LRP1B: variants seen among roughly 807,000 people sequenced by gnomAD.
LRP1B encodes the protein low-density lipoprotein receptor-related protein 1B.
LRP1B carries 217 observed loss-of-function variants against 556.6 expected under a neutral mutation model. The observed-to-expected ratio is 0.39, with a 90% CI of 0.35 to 0.44. LRP1B has a LOEUF of 0.44. Among genes scored for constraint, LRP1B ranks in the 20% least tolerant of loss-of-function variants. LRP1B has a pLI of 1.00. For missense variants in LRP1B, 5,053 were observed against 5,620.8 expected (o/e 0.90, Z 3.23); for synonymous variants, 2,047 against 1,865.8 (o/e 1.10, Z -2.50).
chr2:141,109,582 T>G (rs1700696968), intron 7 of LRP1B, among the ~76,000 whole-genome samples: 1 of 149,216 alleles, frequency 6.7e-6, no homozygotes, highest in East Asian at 2.0e-4. Flanking sequence ...ATGGAAAGAC[T>G]AGTAGGAAAG....
chr2:141,142,854 G>A (rs1192271030), intron 7 of LRP1B, among the ~76,000 whole-genome samples: 1 of 150,316 alleles, frequency 6.7e-6, no homozygotes, highest in Non-Finnish European at 1.5e-5. Flanking sequence ...ATTCATCAAT[G>A]TTGCACCTCG....
intron 23 of LRP1B, among the ~76,000 whole-genome samples, chr2:140,890,521 T>G (rs1693767587): frequency 6.6e-6 from 1 of 152,140 alleles, no homozygotes; most frequent in Non-Finnish European, 1.5e-5. Flanking sequence ...CATTTTATGT[T>G]GAGAAAACAT....
chr2:141,229,256 G>T lies in LRP1B; in HGVS notation c.777C>A (p.Leu259=). 1 of 1,611,090 alleles carries T rather than the reference G, an allele frequency of 6.2e-7. No homozygotes were observed. Among genetic ancestry groups the T allele is most frequent in the Non-Finnish European group, 8.5e-7 (1 of 1,177,542 alleles). Residue 259 remains leucine, a synonymous_variant, in exon 6 of 91, where the codon CTC becomes CTA. Coordinates refer to ENST00000389484, the MANE Select transcript of LRP1B (RefSeq NM_018557.3). ...WIESRESSNQ[L]KCIQITKAGG... ...CTGCTTTTGTTATCTGGATACATTT[G>T]AGTTGATTTGAAGATTCTCTTGATT...
chr2:141,711,697 C>T (rs905911336), intron 2 of LRP1B, among the ~76,000 whole-genome samples: 1 of 152,138 alleles, frequency 6.6e-6, no homozygotes, highest in African/African-American at 2.4e-5. Flanking sequence ...GTTACATTCA[C>T]AGGCTCCCTT....
chr2:140,415,340 T>G (rs1030667432), intron 66 of LRP1B, among the ~76,000 whole-genome samples: 7 of 152,186 alleles, frequency 4.6e-5, no homozygotes, highest in African/African-American at 1.7e-4. Context: ...TGTTAGACCC[T>G]TATTAGCAGT....
rs559008639 is a variant in LRP1B at position 140,559,957 on chromosome 2, T to C, written c.7195-17986A>G. ...CTAAGATACAATGAGGATTACAATA[T>C]TTACATAGTTTCAAAAACTCTTCCT... On this transcript the variant is annotated intron_variant, in intron 43 of 90. Coordinates refer to ENST00000389484, the MANE Select transcript of LRP1B (RefSeq NM_018557.3). Among the ~76,000 whole-genome samples the C allele has an allele frequency of 9.2e-5, 14 of 152,218 alleles. 1 individual carries two copies. Among genetic ancestry groups the C allele is most frequent in the Non-Finnish European group, 1.3e-4 (9 of 68,004 alleles).
At chr2:140,539,539 G>C (rs1680055460) in intron 45 of LRP1B, among the ~76,000 whole-genome samples, 1 of 152,080 alleles carries the variant, frequency 6.6e-6, no homozygotes, top group Non-Finnish European at 1.5e-5. Flanking sequence ...AAGCTTAGTA[G>C]GGACAGTTGT....
At chr2:142,004,691 T>G (rs535248469) in intron 1 of LRP1B, among the ~76,000 whole-genome samples, 2 of 151,740 alleles carry the variant, frequency 1.3e-5, no homozygotes, top group African/African-American at 4.8e-5. Context: ...ACTAAAAATA[T>G]GAAAATTAGC....
chr2:142,122,075 T>C (rs1022035374), intron 1 of LRP1B, among the ~76,000 whole-genome samples: 2 of 152,164 alleles, frequency 1.3e-5, no homozygotes, highest in Admixed American at 6.6e-5. Flanking sequence ...CACAGAACGT[T>C]AGGGTCATAG....
intron 3 of LRP1B, among the ~76,000 whole-genome samples, chr2:141,280,311 G>C (rs1360726663): frequency 1.3e-5 from 2 of 151,982 alleles, no homozygotes; most frequent in Non-Finnish European, 2.9e-5. Flanking sequence ...ACACACATAA[G>C]ACACAAGGTG....
intron 35 of LRP1B, among the ~76,000 whole-genome samples, chr2:140,766,859 T>TAATATATATA (rs35881662): frequency 2.0e-5 from 1 of 50,214 alleles, no homozygotes; most frequent in Non-Finnish European, 5.6e-5. Context: ...TATATATATA[T>TAATATATATA]ATATATAATA....
intron 1 of LRP1B, among the ~76,000 whole-genome samples, chr2:142,058,544 T>A (rs75392296): frequency 2.0e-5 from 3 of 151,798 alleles, no homozygotes; most frequent in African/African-American, 7.3e-5. Flanking sequence ...CGTTATGAGG[T>A]TTTTTTTGCA....
At chr2:140,462,440 A>C (rs777481125) in intron 60 of LRP1B, among the ~76,000 whole-genome samples, 9 of 152,236 alleles carry the variant, frequency 5.9e-5, no homozygotes, top group Admixed American at 3.3e-4. Flanking sequence ...CTGTTACCAG[A>C]AGCTAGTGAA....
intron 3 of LRP1B, among the ~76,000 whole-genome samples, chr2:141,373,343 T>C (rs1049824324): frequency 1.3e-5 from 2 of 152,144 alleles, no homozygotes; most frequent in African/African-American, 4.8e-5. Flanking sequence ...GACTGTTCTG[T>C]AAATGTTTAA....
intron 41 of LRP1B, among the ~76,000 whole-genome samples, chr2:140,697,770 G>A (rs140493922): frequency 6.6e-6 from 1 of 152,068 alleles, no homozygotes; most frequent in East Asian, 1.9e-4. Context: ...CATTACCAAG[G>A]GCCAGGGAAA....
chr2:140,561,141 C>T lies in LRP1B; in HGVS notation c.7195-19170G>A, dbSNP rs181285417. On this transcript the variant is annotated intron_variant, in intron 43 of 90. Transcript: ENST00000389484. ...ATGTGAGTGATAGAAACTAAAACTC[C>T]TTTTCTTCACAGCCAGCCGTAAAAG... Among the ~76,000 whole-genome samples, 907 of 152,226 alleles carry T rather than the reference C, an allele frequency of 6.0e-3. 9 individuals are homozygous for T. The highest frequency in any genetic ancestry group is 0.027 in the Middle Eastern group (8 of 294).
intron 37 of LRP1B, among the ~76,000 whole-genome samples, chr2:140,709,530 C>A (rs1686960879): frequency 6.6e-6 from 1 of 151,560 alleles, no homozygotes; most frequent in Non-Finnish European, 1.5e-5. Flanking sequence ...TCAATGATAG[C>A]TGAAAGAAAC....
intron 31 of LRP1B, among the ~76,000 whole-genome samples, chr2:140,814,420 A>G (rs1691034672): frequency 6.6e-6 from 1 of 152,208 alleles, no homozygotes; most frequent in African/African-American, 2.4e-5. Flanking sequence ...CCTAGAGTAG[A>G]TAAGAAATCT....
chr2:141,324,001 A>C (rs1687345552), intron 3 of LRP1B, among the ~76,000 whole-genome samples: 1 of 139,492 alleles, frequency 7.2e-6, no homozygotes, highest in Non-Finnish European at 1.6e-5. Flanking sequence ...GAAATCACAC[A>C]CACACACACA....
Sources: gnomAD v4.1 joint callset for allele counts (sites outside exome capture counted in the v4.1 genomes callset) on GRCh38, gnomAD v4.1.1 for gene constraint, MANE v1.5 for transcripts, NCBI Gene and HGNC (gene_info 2026-07-23, HGNC 2026-07-21) for gene names.